FNIP1: variants seen among roughly 807,000 people sequenced by gnomAD.
FNIP1 encodes folliculin interacting protein 1.
In FNIP1, 40 loss-of-function variants were observed where a neutral mutation model predicts 124.5. The ratio of observed to expected loss-of-function variants is 0.32; its 90% CI spans 0.25 to 0.42. The LOEUF (loss-of-function observed/expected upper bound fraction) is 0.42, where lower values mean the gene tolerates loss of function less well. FNIP1 is among the 10% of genes least tolerant of loss of function. FNIP1 has a pLI of 1.00. For synonymous variants in FNIP1, 472 were observed against 470.6 expected, an observed-to-expected ratio of 1.00 and a Z score of -0.04; for missense variants, 1,176 against 1,403.7, an observed-to-expected ratio of 0.84 and a Z score of 2.59.
chr5:131,654,758 AT>A (rs1767142516), intron 15 of FNIP1, among the ~76,000 whole-genome samples: 1 of 152,224 alleles, frequency 6.6e-6, no homozygotes, highest in African/African-American at 2.4e-5. Context: ...AACATGGATA[AT>A]TCGGTAAGAG....
intron 1 of FNIP1, among the ~76,000 whole-genome samples, chr5:131,751,242 C>T (rs1770863896): frequency 6.6e-6 from 1 of 152,094 alleles, no homozygotes; most frequent in Non-Finnish European, 1.5e-5. Context: ...TCCTGGCAAA[C>T]TCTTATTTAT....
chr5:131,781,763 T>C (rs1407008494), intron 1 of FNIP1, among the ~76,000 whole-genome samples: 1 of 152,192 alleles, frequency 6.6e-6, no homozygotes, highest in Non-Finnish European at 1.5e-5. Flanking sequence ...TCATGCCTGC[T>C]AACACAACAT....
chr5:131,710,726 G>T, intron 6 of FNIP1, 65 bp from the exon 7 acceptor site: 1 of 1,407,282 alleles, frequency 7.1e-7, no homozygotes, highest in Non-Finnish European at 9.8e-7. Context: ...ATGCGTCAGG[G>T]AAAAAAGGTG....
In FNIP1 at chr5:131,719,058, G is replaced by A. The variant is rs145940981; in HGVS notation, c.458C>T (p.Ser153Phe). 1.9e-4 allele frequency: 303 copies of A among 1,613,174 alleles called. 1 individual carries two copies. In the East Asian group the frequency reaches 5.4e-3, roughly 29 times the overall value. The change falls in exon 5 of 18, where the codon TCC becomes TTC. Residue 153 changes from serine (S) to phenylalanine (F), a missense_variant and splice_region_variant. This residue lies in a region of FNIP1 where 1,109 missense variants were observed against 1,288.5 expected (regional missense o/e 0.86). Coordinates refer to ENST00000510461, the MANE Select transcript of FNIP1 (RefSeq NM_133372.3). Reference sequence around the variant, plus strand: ...TTTGCTGAGCATGAGCTGTGGAGGGGAACTATGAAGAAAAAGAGAAAGAGA... The same window carrying A: ...TTTGCTGAGCATGAGCTGTGGAGGGAAACTATGAAGAAAAAGAGAAAGAGA... ...GSTLKIHQIR[S>F]PPQLMLSKVF...
At chr5:131,660,414 C>T (rs944877584) in intron 15 of FNIP1, among the ~76,000 whole-genome samples, 1 of 152,116 alleles carries the variant, frequency 6.6e-6, no homozygotes, top group Non-Finnish European at 1.5e-5. Context: ...AGGTTTTTTG[C>T]ATGTCTGACA....
chr5:131,738,170 T>C (rs1271658673), intron 2 of FNIP1, among the ~76,000 whole-genome samples: 3 of 151,846 alleles, frequency 2.0e-5, no homozygotes, highest in Non-Finnish European at 2.9e-5. Context: ...AGCTTCAGTA[T>C]AGTTTTGATT....
intron 11 of FNIP1, among the ~76,000 whole-genome samples, chr5:131,687,001 G>A (rs1473351992): frequency 6.7e-6 from 1 of 148,208 alleles, no homozygotes; most frequent in Admixed American, 6.7e-5. Context: ...GTATCTGAAT[G>A]GTTTTTTTTT....
intron 13 of FNIP1, among the ~76,000 whole-genome samples, chr5:131,676,675 T>C (rs946285842): frequency 1.3e-5 from 2 of 152,096 alleles, no homozygotes; most frequent in African/African-American, 4.8e-5. Context: ...AGGGAGATCA[T>C]TTGATCCCAG....
intron 11 of FNIP1, among the ~76,000 whole-genome samples, chr5:131,685,124 G>C (rs552277416): frequency 6.6e-6 from 1 of 152,160 alleles, no homozygotes; most frequent in African/African-American, 2.4e-5. Context: ...AAGGCACGGT[G>C]GCTCATGCCT....
chr5:131,794,342 C>T (rs1247014778), intron 1 of FNIP1, among the ~76,000 whole-genome samples: 1 of 148,614 alleles, frequency 6.7e-6, no homozygotes, highest in African/African-American at 2.5e-5. Context: ...TTGTGAAGAA[C>T]CTGTAACCTT....
At chr5:131,722,214 A>G (rs1363428280) in intron 3 of FNIP1, among the ~76,000 whole-genome samples, 1 of 152,214 alleles carries the variant, frequency 6.6e-6, no homozygotes, top group Non-Finnish European at 1.5e-5. Flanking sequence ...TTATAACAAC[A>G]ATGCAACAAG....
chr5:131,696,509 A>C (rs1420431002), intron 11 of FNIP1, among the ~76,000 whole-genome samples: 1 of 152,178 alleles, frequency 6.6e-6, no homozygotes, highest in Non-Finnish European at 1.5e-5. Context: ...AAAGCTTTAG[A>C]GATTGATTTC....
intron 1 of FNIP1, among the ~76,000 whole-genome samples, chr5:131,753,100 C>T (rs1018071762): frequency 3.3e-5 from 5 of 151,412 alleles, no homozygotes; most frequent in Non-Finnish European, 7.4e-5. Flanking sequence ...TACAAACAAA[C>T]AAAAAAAATG....
At chr5:131,756,772 G>A (rs1456671430) in intron 1 of FNIP1, among the ~76,000 whole-genome samples, 1 of 152,172 alleles carries the variant, frequency 6.6e-6, no homozygotes, top group African/African-American at 2.4e-5. Flanking sequence ...TGAGGTGGGT[G>A]GCTTGAATTG....
chr5:131,708,855 CA>C (rs1429880127), intron 8 of FNIP1, among the ~76,000 whole-genome samples: 3 of 149,226 alleles, frequency 2.0e-5, no homozygotes, highest in African/African-American at 7.4e-5. Flanking sequence ...GACAATATGA[CA>C]ATTTAAACTT....
At chr5:131,750,547 T>C (rs553824248) in intron 1 of FNIP1, among the ~76,000 whole-genome samples, 8 of 151,220 alleles carry the variant, frequency 5.3e-5, no homozygotes, top group Non-Finnish European at 7.4e-5. Context: ...GGTAAGTCAA[T>C]AGACTATGAT....
intron 15 of FNIP1, among the ~76,000 whole-genome samples, chr5:131,663,805 T>A (rs1215081438): frequency 1.3e-5 from 2 of 152,200 alleles, no homozygotes; most frequent in Non-Finnish European, 2.9e-5. Context: ...TCACCAAAAA[T>A]AAAATTTGCT....
At chr5:131,718,480 A>G (rs1769545570) in intron 5 of FNIP1, among the ~76,000 whole-genome samples, 1 of 152,182 alleles carries the variant, frequency 6.6e-6, no homozygotes, top group Admixed American at 6.5e-5. Flanking sequence ...GTTCTGGCAC[A>G]TGGCCCATGA....
chr5:131,704,891 G>GAT (rs1408037031), intron 9 of FNIP1, among the ~76,000 whole-genome samples: 16 of 151,778 alleles, frequency 1.1e-4, no homozygotes, highest in Non-Finnish European at 2.2e-4. Flanking sequence ...TGGTTTCTTG[G>GAT]ATATAACACA....
Sources: allele counts gnomAD v4.1 joint callset (sites outside exome capture counted in the v4.1 genomes callset), GRCh38; gene constraint gnomAD v4.1.1; regional missense constraint gnomAD v4.1.1; transcripts MANE v1.5; gene names NCBI Gene and HGNC (gene_info 2026-07-23, HGNC 2026-07-21).